SPTLC2: variants seen among roughly 807,000 people sequenced by gnomAD.
The protein encoded by SPTLC2 is serine palmitoyltransferase 2.
Under a neutral mutation model 62.0 loss-of-function variants are expected in SPTLC2, and 21 were observed. The observed-to-expected ratio is 0.34, with a 90% CI of 0.24 to 0.49. The LOEUF is 0.49. Among genes scored for constraint, SPTLC2 ranks in the 20% least tolerant of loss-of-function variants. The pLI is 0.99. For missense variants in SPTLC2, 511 were observed against 713.0 expected (o/e 0.72, Z 3.23); for synonymous variants, 261 against 261.8 (o/e 1.00, Z 0.03).
chr14:77,540,032 A>T (rs1215144124), intron 9 of SPTLC2, among the ~76,000 whole-genome samples: 1 of 152,010 alleles, frequency 6.6e-6, no homozygotes, highest in African/African-American at 2.4e-5. Context: ...CCCTGTCTCT[A>T]CTAAAAATAC....
At position 77,583,199 on chromosome 14, in the gene SPTLC2, CAATAAATA is replaced by C. The variant is rs58888587; in HGVS notation, c.328-4098_328-4091del. ...TGGGCAATAGAGTGAAAAGCTGTCTCAATAAATAAATAAATAAATAAATAAATAAATAA... is the reference window on the plus strand; with the variant it reads ...TGGGCAATAGAGTGAAAAGCTGTCTCAATAAATAAATAAATAAATAAATAA... On this transcript the variant is annotated intron_variant, in intron 2 of 11. Transcript: ENST00000216484. Among the ~76,000 whole-genome samples, 776 of 132,500 alleles carry C rather than the reference CAATAAATA, an allele frequency of 5.9e-3. 3 individuals are homozygous for C. Among genetic ancestry groups the C allele is most frequent in the Admixed American group, 8.6e-3 (108 of 12,628 alleles). 86.9% of individuals were successfully genotyped at this position (132,500 alleles called of 152,430 possible). A position where few individuals can be genotyped will look rare whatever the true frequency, so the allele number is the denominator to read the frequency against.
chr14:77,573,917 C>A (rs917254114), intron 4 of SPTLC2, among the ~76,000 whole-genome samples: 31 of 152,190 alleles, frequency 2.0e-4, no homozygotes, highest in African/African-American at 7.2e-4. Flanking sequence ...CAGGCATGAG[C>A]CACTGTGCCC....
chr14:77,610,506 G>C (rs983592158), intron 1 of SPTLC2, among the ~76,000 whole-genome samples: 1 of 151,902 alleles, frequency 6.6e-6, no homozygotes, highest in Non-Finnish European at 1.5e-5. Flanking sequence ...GGCTGATCTT[G>C]AACTCCTGGG....
In SPTLC2 at chr14:77,562,509, G is replaced by C; in HGVS notation, c.757-20C>G. 2.5e-6 allele frequency: 4 copies of C among 1,602,876 alleles called. No individual in the cohort carries two copies. Among genetic ancestry groups the C allele is most frequent in the Non-Finnish European group, 3.4e-6 (4 of 1,169,828 alleles). On this transcript the variant is annotated intron_variant, in intron 5 of 11. Coordinates refer to ENST00000216484, the MANE Select transcript of SPTLC2 (RefSeq NM_004863.4). ...GCAACCCTGCAACATCACAGGAACA[G>C]AAAGGTAAGAAGCTGGAGGGGAAAG...
chr14:77,553,053 A>T (rs891863423), intron 8 of SPTLC2, among the ~76,000 whole-genome samples: 1 of 152,174 alleles, frequency 6.6e-6, no homozygotes, highest in Admixed American at 6.6e-5. Flanking sequence ...TGAAATAGAA[A>T]CTTACAAGGT....
intron 5 of SPTLC2, among the ~76,000 whole-genome samples, chr14:77,568,953 G>A (rs1274709635): frequency 1.5e-4 from 23 of 152,040 alleles, no homozygotes; most frequent in Admixed American, 1.5e-3. Flanking sequence ...ACAATTTTTT[G>A]AATTGCAAAA....
At chr14:77,573,932 A>G (rs2079699020) in intron 4 of SPTLC2, among the ~76,000 whole-genome samples, 2 of 152,290 alleles carry the variant, frequency 1.3e-5, no homozygotes, top group South Asian at 4.1e-4. Flanking sequence ...GTGCCCGGCC[A>G]GAAGACGACA....
Position 77,557,133 on chromosome 14 carries a change from T to C in SPTLC2, c.864A>G (p.Leu288=). ...RIFKHNNMQS[L]EKLLKDAIVY... The stretch of plus-strand genomic sequence containing the variant: ...CAATGGCATCTTTCAATAGCTTCTC[T>C]AGGCTTTGCATATCTACAGAGCACA... The change falls in exon 7 of 12, where the codon CTA becomes CTG. Residue 288 remains leucine, a synonymous_variant. Transcript: ENST00000216484. 1 of 1,613,460 alleles carries C rather than the reference T, an allele frequency of 6.2e-7. No individual in the cohort carries two copies. The highest frequency in any genetic ancestry group is 2.2e-5 in the East Asian group (1 of 44,884).
At chr14:77,581,448 T>G (rs1388988644) in intron 2 of SPTLC2, among the ~76,000 whole-genome samples, 1 of 149,514 alleles carries the variant, frequency 6.7e-6, no homozygotes, top group African/African-American at 2.5e-5. Context: ...TTCACTCTTG[T>G]TGCCCAGGCT....
intron 9 of SPTLC2, among the ~76,000 whole-genome samples, chr14:77,541,122 A>G (rs919097393): frequency 3.9e-5 from 6 of 152,014 alleles, no homozygotes; most frequent in African/African-American, 1.4e-4. Context: ...TCCGCCTGCC[A>G]GGCTCAAGTG....
chr14:77,522,575 C>T (rs1386506993), intron 9 of SPTLC2, among the ~76,000 whole-genome samples: 11 of 152,292 alleles, frequency 7.2e-5, no homozygotes, highest in African/African-American at 9.6e-5. Context: ...TTAAAACACA[C>T]GTTTCTGTCT....
intron 9 of SPTLC2, among the ~76,000 whole-genome samples, chr14:77,537,339 T>C (rs1156716778): frequency 3.3e-5 from 5 of 152,008 alleles, no homozygotes; most frequent in African/African-American, 1.2e-4. Flanking sequence ...TTAAGACATG[T>C]CTCTACTTTG....
chr14:77,554,724 GGT>G (rs2079573609), intron 8 of SPTLC2: 1 of 159,592 alleles, frequency 6.3e-6, no homozygotes, highest in African/African-American at 2.4e-5. Flanking sequence ...CTGTCTTTAT[GGT>G]TCACCATTTC....
At chr14:77,555,268 T>C (rs1487974248) in intron 8 of SPTLC2, 32 bp downstream of exon 8, 15 of 1,613,140 alleles carry the variant, frequency 9.3e-6, no homozygotes, top group South Asian at 3.3e-5. Context: ...AGTGACTTTA[T>C]CTCTAATCGC....
chr14:77,587,759 A>AAATAAT (rs59005485), intron 2 of SPTLC2, among the ~76,000 whole-genome samples: 19,571 of 144,960 alleles, frequency 0.14, 1,427 homozygotes, highest in Admixed American at 0.17. Context: ...CTCTGTCTCA[A>AAATAAT]AATAATAATA....
intron 2 of SPTLC2, among the ~76,000 whole-genome samples, chr14:77,581,405 C>CTTT (rs1159561282): frequency 0.29 from 27,302 of 93,672 alleles, 4,271 homozygotes; most frequent in Non-Finnish European, 0.36. Context: ...TACCATCTCT[C>CTTT]TTTTTTTTTT....
At chr14:77,596,506 A>AAAATAAAT (rs1555377969) in intron 2 of SPTLC2, among the ~76,000 whole-genome samples, 2 of 136,846 alleles carry the variant, frequency 1.5e-5, no homozygotes, top group South Asian at 4.8e-4. Context: ...TCTGTCTCAA[A>AAAATAAAT]AAATAAACAA....
intron 1 of SPTLC2, among the ~76,000 whole-genome samples, chr14:77,599,923 A>C (rs1329397037): frequency 6.6e-6 from 1 of 152,214 alleles, no homozygotes; most frequent in African/African-American, 2.4e-5. Context: ...TTGCCTTAAG[A>C]ACTCTGTTTA....
rs376164383 is a variant in SPTLC2, at chr14:77,543,778, C to T, written c.1303+8318G>A. Among the ~76,000 whole-genome samples, 71 of 152,304 alleles carry T rather than the reference C, an allele frequency of 4.7e-4. 1 individual carries two copies. The South Asian group carries it at 0.014, about 30-fold the overall frequency. On this transcript the variant is annotated intron_variant, in intron 9 of 11. Coordinates refer to ENST00000216484, the MANE Select transcript of SPTLC2 (RefSeq NM_004863.4). ...AACTTCTCCACCTATGCCACTGATT[C>T]AATCAGCCAGAATCATCAGCTGTTC...
Sources: allele counts gnomAD v4.1 joint callset (sites outside exome capture counted in the v4.1 genomes callset), GRCh38; gene constraint gnomAD v4.1.1; transcripts MANE v1.5; gene names NCBI Gene and HGNC (gene_info 2026-07-23, HGNC 2026-07-21).